The following C19orf38 variants were observed in gnomAD, a reference collection of about 807,000 sequenced individuals.
The protein encoded by C19orf38 is chromosome 19 open reading frame 38, also known as protein HIDE1.
Under a neutral mutation model 26.6 loss-of-function variants are expected in C19orf38, and 14 were observed. The ratio of observed to expected loss-of-function variants is 0.53; its 90% CI spans 0.35 to 0.82. C19orf38 has a LOEUF of 0.82. Ranked by LOEUF, C19orf38 falls within the 40% of genes least tolerant of loss-of-function variation. C19orf38 has a pLI of 0.01. For synonymous variants in C19orf38, 132 were observed against 128.5 expected (o/e 1.03, Z -0.18); for missense variants, 261 against 299.5 (o/e 0.87, Z 0.95).
chr19:10,841,531 G>A (rs970803330), intron 1 of C19orf38, among the ~76,000 whole-genome samples: 2 of 152,100 alleles, frequency 1.3e-5, no homozygotes, highest in East Asian at 1.9e-4. Flanking sequence ...AGTGGCTCAC[G>A]CCTGTAATCC....
At chr19:10,867,837 G>A (rs886957968) in intron 6 of C19orf38, among the ~76,000 whole-genome samples, 3 of 151,358 alleles carry the variant, frequency 2.0e-5, no homozygotes, top group African/African-American at 7.3e-5. Context: ...AGTTTTAGTA[G>A]AGATGGGGTT....
At chr19:10,862,585 T>G (rs561095580) in intron 5 of C19orf38, among the ~76,000 whole-genome samples, 100 of 152,072 alleles carry the variant, frequency 6.6e-4, no homozygotes, top group African/African-American at 2.4e-3. Context: ...ATCCCAGCAT[T>G]TTGGGAGGCC....
chr19:10,839,265 C>T (rs1294603579), intron 1 of C19orf38, among the ~76,000 whole-genome samples: 1 of 152,180 alleles, frequency 6.6e-6, no homozygotes, highest in Non-Finnish European at 1.5e-5. Context: ...GATGGAGCCT[C>T]CGTGTTGGAT....
chr19:10,838,649 G>A (rs922180277), intron 1 of C19orf38, among the ~76,000 whole-genome samples: 2 of 152,106 alleles, frequency 1.3e-5, no homozygotes, highest in Non-Finnish European at 2.9e-5. Flanking sequence ...GGTTGAGAAC[G>A]AACGTTTAAT....
intron 1 of C19orf38, chr19:10,842,210 T>A (rs1389482596): frequency 7.8e-6 from 11 of 1,407,260 alleles, no homozygotes; most frequent in Non-Finnish European, 1.0e-5. Flanking sequence ...ATGAAAACTT[T>A]CAGTGATGAC....
At chr19:10,854,386 T>G (rs184584941) in intron 2 of C19orf38, among the ~76,000 whole-genome samples, 4 of 152,258 alleles carry the variant, frequency 2.6e-5, no homozygotes, top group Non-Finnish European at 5.9e-5. Flanking sequence ...TAAAAAGAAC[T>G]TTTTCACTGC....
In C19orf38 at chr19:10,869,453, A is replaced by C. The variant is rs2073782898; in HGVS notation, c.*86A>C. On this transcript the variant is annotated 3_prime_UTR_variant, in exon 7 of 7. Transcript: ENST00000397820. ...TACTTCTGGGGGGGCTCTGTCAGCC[A>C]CTTTCTCAGGGAATTGGACAGAGGA... 1.4e-6 allele frequency: 2 copies of C among 1,430,480 alleles called. No individual in the cohort carries two copies. Among genetic ancestry groups the C allele is most frequent in the Non-Finnish European group, 1.8e-6 (2 of 1,082,122 alleles). The allele number at this position is 1,430,480 out of a possible 1,614,324, so 88.6% of individuals were successfully genotyped here.
Position 10,869,318 on chromosome 19 carries a change from C to T in C19orf38, c.644C>T (p.Ser215Phe). The change falls in exon 7 of 7, where the codon TCC becomes TTC. Residue 215 changes from serine to phenylalanine, a missense_variant. Physicochemically the swap from Ser to Phe is radical, Grantham distance 155. Coordinates refer to ENST00000397820, the MANE Select transcript of C19orf38 (RefSeq NM_001136482.3). Reference protein sequence around the residue: ...SRTRKRPTSTSSSPETPEFST... With the variant: ...SRTRKRPTSTFSSPETPEFST... Reference sequence around the variant, plus strand: ...ACCCGGAAGAGGCCCACTTCCACGTCCTCCTCGCCTGAGACCCCCGAATTC... The same window carrying T: ...ACCCGGAAGAGGCCCACTTCCACGTTCTCCTCGCCTGAGACCCCCGAATTC... The T allele has an allele frequency of 1.3e-6, 2 of 1,551,638 alleles. No individual in the cohort carries two copies. Among genetic ancestry groups the T allele is most frequent in the Non-Finnish European group, 1.7e-6 (2 of 1,146,984 alleles).
chr19:10,846,385 TAAA>T (rs1193479369), upstream of C19orf38, among the ~76,000 whole-genome samples: 2 of 151,806 alleles, frequency 1.3e-5, no homozygotes, highest in East Asian at 3.9e-4. Context: ...TTTTTTTTAA[TAAA>T]AAGAGTTTAT....
intron 2 of C19orf38, among the ~76,000 whole-genome samples, chr19:10,852,327 AGACATTCCAGGCT>A (rs920995900): frequency 2.0e-5 from 3 of 152,274 alleles, no homozygotes; most frequent in Admixed American, 2.0e-4. Flanking sequence ...GCTTGCCCAA[AGACATTCCAGGCT>A]GACATTCCAG....
At chr19:10,843,194 G>A (rs942774118) in intron 1 of C19orf38, among the ~76,000 whole-genome samples, 1 of 152,202 alleles carries the variant, frequency 6.6e-6, no homozygotes, top group Admixed American at 6.6e-5. Context: ...AACCAATTAG[G>A]AAAGGGTAGG....
intron 2 of C19orf38, 77 bp downstream of exon 2, chr19:10,850,644 A>G: frequency 2.1e-6 from 3 of 1,457,852 alleles, no homozygotes; most frequent in Non-Finnish European, 2.8e-6. Flanking sequence ...CTGTTGACTC[A>G]GAGGCCTTCC....
At chr19:10,863,040 G>A (rs1052986731) in intron 5 of C19orf38, 130 bp from the exon 6 acceptor site, 4 of 899,820 alleles carry the variant, frequency 4.4e-6, no homozygotes, top group African/African-American at 3.3e-5. Flanking sequence ...TTGGAAAGGC[G>A]CCATAGAGGA....
At position 10,850,447 on chromosome 19, in the gene C19orf38, C is replaced by T; in HGVS notation, c.220C>T (p.Leu74=). 1 of 1,551,510 alleles carries T rather than the reference C, an allele frequency of 6.4e-7. No individual in the cohort carries two copies. The highest frequency in any genetic ancestry group is 8.7e-7 in the Non-Finnish European group (1 of 1,146,904). ...PTDQRGVTFN[L]SGGSSKAPGG... ...GGACCAGCGCGGGGTGACATTTAAC[C>T]TGAGCGGCGGCAGCAGCAAGGCTCC... is the stretch of plus-strand genomic sequence containing the variant. The change falls in exon 2 of 7, where the codon CTG becomes TTG. Residue 74 remains leucine, a synonymous_variant. Coordinates refer to ENST00000397820, the MANE Select transcript of C19orf38 (RefSeq NM_001136482.3).
upstream of C19orf38, among the ~76,000 whole-genome samples, chr19:10,845,374 G>T (rs2073508989): frequency 6.6e-6 from 1 of 152,016 alleles, no homozygotes; most frequent in Admixed American, 6.6e-5. Context: ...TGACCACAAA[G>T]GAGTTAAAAA....
chr19:10,842,256 A>G (rs1436820180), intron 1 of C19orf38: 5 of 1,172,520 alleles, frequency 4.3e-6, no homozygotes, highest in Non-Finnish European at 5.1e-6. Context: ...CATAATTTGA[A>G]TAAAATACTT....
upstream of C19orf38, among the ~76,000 whole-genome samples, chr19:10,843,586 T>C (rs62131830): frequency 1.2e-3 from 180 of 151,976 alleles, 1 homozygote; most frequent in Non-Finnish European, 2.1e-3. Context: ...TCTGGGAACA[T>C]GATGATGCTC....
intron 1 of C19orf38, among the ~76,000 whole-genome samples, chr19:10,849,433 A>C (rs1329371618): frequency 6.6e-6 from 1 of 151,814 alleles, no homozygotes; most frequent in Non-Finnish European, 1.5e-5. Flanking sequence ...CTTCCTCACC[A>C]CTCAGGACTC....
intron 1 of C19orf38, among the ~76,000 whole-genome samples, chr19:10,838,186 G>A (rs557942082): frequency 1.1e-4 from 17 of 152,268 alleles, no homozygotes; most frequent in Admixed American, 5.9e-4. Flanking sequence ...CAAGGCAGGC[G>A]GATCATGAGG....
Sources: allele counts gnomAD v4.1 joint callset (sites outside exome capture counted in the v4.1 genomes callset), GRCh38; gene constraint gnomAD v4.1.1; transcripts MANE v1.5; gene names NCBI Gene and HGNC (gene_info 2026-07-23, HGNC 2026-07-21).